Variants in ERICH1 observed in about 807,000 individuals in gnomAD.
ERICH1 encodes the protein glutamate-rich protein 1.
Under a neutral mutation model 39.6 loss-of-function variants are expected in ERICH1, and 56 were observed. That is an observed-to-expected ratio of 1.41 (90% CI 1.14 to 1.77). The LOEUF (loss-of-function observed/expected upper bound fraction) is 1.77, where lower values mean the gene tolerates loss of function less well. Among genes scored for constraint, ERICH1 ranks in the 40% most tolerant of loss-of-function variants. ERICH1 has a pLI of 0.00. For synonymous variants in ERICH1, 313 were observed against 223.6 expected, an observed-to-expected ratio of 1.40 and a Z score of -3.57; for missense variants, 826 against 575.4, an observed-to-expected ratio of 1.44 and a Z score of -4.45.
At chr8:658,641 C>G (rs576320257) in intron 3 of ERICH1, among the ~76,000 whole-genome samples, 1 of 152,156 alleles carries the variant, frequency 6.6e-6, no homozygotes, top group Non-Finnish European at 1.5e-5. Context: ...GGTGACCAGG[C>G]CTCAATGAGA....
intron 3 of ERICH1, chr8:626,618 T>C (rs1797606314): frequency 6.4e-6 from 1 of 155,646 alleles, no homozygotes; most frequent in Admixed American, 6.1e-5. Flanking sequence ...ATAATTTTAT[T>C]ATGAATGACC....
At chr8:680,526 C>T (rs1174759129) in intron 3 of ERICH1, among the ~76,000 whole-genome samples, 2 of 150,040 alleles carry the variant, frequency 1.3e-5, no homozygotes, top group African/African-American at 2.5e-5. Context: ...CCACCTCCCC[C>T]GGTAAACACG....
intron 5 of ERICH1, among the ~76,000 whole-genome samples, chr8:665,356 G>A (rs1802040184): frequency 6.6e-6 from 1 of 152,134 alleles, no homozygotes. Flanking sequence ...GCTCACGGGT[G>A]GACACTGGCT....
intron 1 of ERICH1, among the ~76,000 whole-genome samples, chr8:730,199 G>T (rs1404862611): frequency 1.3e-5 from 2 of 152,218 alleles, no homozygotes; most frequent in African/African-American, 4.8e-5. Context: ...AGCTGATCAG[G>T]TGACAATTCC....
chr8:630,051 A>G (rs1167780068), intron 3 of ERICH1, among the ~76,000 whole-genome samples: 16 of 89,716 alleles, frequency 1.8e-4, no homozygotes, highest in East Asian at 2.8e-4. Context: ...ACCCACACAG[A>G]CAGAGCTGAC....
rs1391448855 is a variant in ERICH1, at chr8:708,684, T to TTTTG, written c.169+7176_169+7177insCAAA. ...CTGAGTGGTTACGGGATAATGAGTT[T>TTTTG]TTTTTTTTTTTTTTTTTTTTTTTTT... On this transcript the variant is annotated intron_variant, in intron 2 of 5. Transcript: ENST00000262109. Among the ~76,000 whole-genome samples the TTTTG allele has an allele frequency of 5.1e-4, 23 of 45,220 alleles. 1 individual carries two copies. Among genetic ancestry groups the TTTTG allele is most frequent in the South Asian group, 1.0e-3 (1 of 970 alleles). 29.7% of individuals were successfully genotyped at this position (45,220 alleles called of 152,430 possible).
chr8:661,656 A>G (rs1025465564), downstream of ERICH1, among the ~76,000 whole-genome samples: 1 of 152,252 alleles, frequency 6.6e-6, no homozygotes, highest in Non-Finnish European at 1.5e-5. Flanking sequence ...ACAGATTATC[A>G]TATCTATGCT....
chr8:664,753 C>G (rs559567912), intron 5 of ERICH1, 77 bp from the exon 6 acceptor site: 6 of 1,259,518 alleles, frequency 4.8e-6, no homozygotes, highest in Non-Finnish European at 6.7e-6. Context: ...TATGTAGACA[C>G]GAGCCTTTGG....
intron 3 of ERICH1, among the ~76,000 whole-genome samples, chr8:655,877 T>C (rs943235014): frequency 7.9e-5 from 12 of 152,138 alleles, no homozygotes; most frequent in African/African-American, 2.9e-4. Flanking sequence ...GTCTTACTTT[T>C]CCCTCCACAC....
intron 2 of ERICH1, among the ~76,000 whole-genome samples, chr8:710,289 G>A (rs1014552205): frequency 4.6e-5 from 7 of 152,062 alleles, no homozygotes; most frequent in Admixed American, 1.3e-4. Context: ...CCAGTCCTCG[G>A]CATCATACAG....
intron 3 of ERICH1, among the ~76,000 whole-genome samples, chr8:617,398 C>T (rs190810319): frequency 9.2e-5 from 14 of 152,328 alleles, no homozygotes; most frequent in African/African-American, 2.9e-4. Flanking sequence ...ACTGATCACT[C>T]CCTGTCATCT....
At chr8:677,421 G>A (rs1020328557) in intron 3 of ERICH1, among the ~76,000 whole-genome samples, 3 of 152,228 alleles carry the variant, frequency 2.0e-5, no homozygotes, top group Non-Finnish European at 4.4e-5. Context: ...GGCACAGGCT[G>A]AAGCAGCTCC....
chr8:681,957 C>T (rs1465513846), intron 3 of ERICH1, among the ~76,000 whole-genome samples: 2 of 152,354 alleles, frequency 1.3e-5, no homozygotes, highest in South Asian at 2.1e-4. Flanking sequence ...TGTCTGCCTT[C>T]ATTAAGAATC....
At chr8:657,960 G>A (rs1585079220) in intron 3 of ERICH1, among the ~76,000 whole-genome samples, 1 of 152,178 alleles carries the variant, frequency 6.6e-6, no homozygotes, top group African/African-American at 2.4e-5. Context: ...TGCCTTTAAT[G>A]TCCAAATACA....
chr8:666,406 T>C (rs1405947351), intron 5 of ERICH1: 2 of 152,194 alleles, frequency 1.3e-5, no homozygotes, highest in Non-Finnish European at 2.9e-5. Context: ...GAAATCTAAG[T>C]TTGTTAAGTA....
chr8:687,357 A>C (rs1457906999), intron 3 of ERICH1, among the ~76,000 whole-genome samples: 1 of 152,256 alleles, frequency 6.6e-6, no homozygotes, highest in Non-Finnish European at 1.5e-5. Context: ...ATATTGACTT[A>C]AGACTTAATT....
chr8:704,567 G>A (rs1285084291), intron 2 of ERICH1, among the ~76,000 whole-genome samples: 2 of 152,148 alleles, frequency 1.3e-5, no homozygotes, highest in Non-Finnish European at 2.9e-5. Context: ...ATGTGACTCA[G>A]CAAGAAACGG....
intron 3 of ERICH1, among the ~76,000 whole-genome samples, chr8:631,681 T>C (rs1798048402): frequency 6.6e-6 from 1 of 152,144 alleles, no homozygotes. Flanking sequence ...ACCAGAGCCC[T>C]TTTTCAGTGT....
intron 2 of ERICH1, among the ~76,000 whole-genome samples, chr8:705,980 G>A (rs1311326159): frequency 1.3e-5 from 2 of 152,144 alleles, no homozygotes; most frequent in African/African-American, 4.8e-5. Context: ...AGATGATAAC[G>A]CTGTATTTTC....
Sources: allele counts gnomAD v4.1 joint callset (sites outside exome capture counted in the v4.1 genomes callset), GRCh38; gene constraint gnomAD v4.1.1; transcripts MANE v1.5; gene names NCBI Gene and HGNC (gene_info 2026-07-23, HGNC 2026-07-21).